Variants in SLC36A1 observed in about 807,000 individuals in gnomAD.
SLC36A1 encodes the protein proton-coupled amino acid transporter 1.
Under a neutral mutation model 47.5 loss-of-function variants are expected in SLC36A1, and 30 were observed. That is an observed-to-expected ratio of 0.63 (90% confidence interval 0.47 to 0.86). The LOEUF is 0.86. SLC36A1 is among the 40% of genes least tolerant of loss of function. SLC36A1 has a pLI of 0.00. For synonymous variants in SLC36A1, 255 were observed against 249.7 expected (o/e 1.02, Z -0.20); for missense variants, 517 against 606.0 (o/e 0.85, Z 1.54).
At chr5:151,507,385 G>T in the SLC36A1 span, 1 of 1,614,166 alleles carries the variant, frequency 6.2e-7, no homozygotes, top group Non-Finnish European at 8.5e-7. Context: ...GGCATGGCTT[G>T]GGTGTCAACA....
At chr5:151,522,040 C>A in the SLC36A1 span, 1 of 1,608,872 alleles carries the variant, frequency 6.2e-7, no homozygotes, top group Non-Finnish European at 8.5e-7. Context: ...GACATGGACA[C>A]GGACAGACGT....
chr5:151,499,138 A>C, the SLC36A1 span, among the ~76,000 whole-genome samples: 1 of 152,256 alleles, frequency 6.6e-6, no homozygotes, highest in Non-Finnish European at 1.5e-5. Flanking sequence ...GTATCAATCT[A>C]ACCAGGCACC....
At chr5:151,425,983 T>TATC in the SLC36A1 span, among the ~76,000 whole-genome samples, 1 of 152,008 alleles carries the variant, frequency 6.6e-6, no homozygotes, top group Non-Finnish European at 1.5e-5. Context: ...TCTATCTATC[T>TATC]ATCTATCTAT....
intron 2 of SLC36A1, 86 bp downstream of exon 2, chr5:151,459,021 A>T (rs1323267763): frequency 4.9e-6 from 7 of 1,423,490 alleles, no homozygotes; most frequent in Non-Finnish European, 6.6e-6. Flanking sequence ...CAATTTCATC[A>T]GTCCTCCACT....
At chr5:151,554,713 T>C in the SLC36A1 span, 1 of 1,479,474 alleles carries the variant, frequency 6.8e-7, no homozygotes, top group East Asian at 2.3e-5. Context: ...AGCTGACAAT[T>C]GCAAATTAGT....
chr5:151,363,232 A>G, the SLC36A1 span, among the ~76,000 whole-genome samples: 2 of 152,216 alleles, frequency 1.3e-5, no homozygotes, highest in Non-Finnish European at 2.9e-5. Context: ...CAGTGTGGGA[A>G]GGCTGGCTAG....
At chr5:151,467,320 AC>A (rs112687054) in intron 6 of SLC36A1, 37 bp downstream of exon 6, 40,818 of 967,020 alleles carry the variant, frequency 0.042, 1,293 homozygotes, top group African/African-American at 0.2. Context: ...AAAAAAAAAA[AC>A]CAGAGCGAGA....
At chr5:151,391,081 T>C in the SLC36A1 span, among the ~76,000 whole-genome samples, 75,263 of 151,742 alleles carry the variant, frequency 0.5, 20,657 homozygotes, top group African/African-American at 0.75. Context: ...TCTTTTATTT[T>C]GTTGAGCAGT....
chr5:151,507,597 G>T, the SLC36A1 span: 2 of 1,599,544 alleles, frequency 1.3e-6, no homozygotes, highest in Admixed American at 1.7e-5. Context: ...ACAACCCCTC[G>T]CCTCCATTTC....
At chr5:151,483,603 A>G (rs1759135774) in intron 10 of SLC36A1, among the ~76,000 whole-genome samples, 1 of 151,642 alleles carries the variant, frequency 6.6e-6, no homozygotes, top group African/African-American at 2.4e-5. Flanking sequence ...GTGTCTCTTC[A>G]TAGGCACTTT....
the SLC36A1 span, among the ~76,000 whole-genome samples, chr5:151,536,906 C>T: frequency 1.3e-5 from 2 of 152,196 alleles, no homozygotes; most frequent in Non-Finnish European, 2.9e-5. Flanking sequence ...TCTCTGGGCA[C>T]CAGTTTCTGG....
the SLC36A1 span, chr5:151,544,049 T>G: frequency 1.2e-6 from 2 of 1,614,058 alleles, no homozygotes; most frequent in East Asian, 4.5e-5. Flanking sequence ...GTTTCACCAG[T>G]GAGTGGGGGA....
chr5:151,511,130 G>A, the SLC36A1 span: 1 of 152,544 alleles, frequency 6.6e-6, no homozygotes, highest in Admixed American at 6.5e-5. Context: ...AGGGTGAGAG[G>A]TGATGGGGGC....
Position 151,488,265 on chromosome 5 carries a change from T to G in SLC36A1, c.*11T>G. On this transcript the variant is annotated 3_prime_UTR_variant, in exon 11 of 11. Transcript: ENST00000243389. ...TGTGCCTTCATATAGGGATCTGGGT[T>G]CGTCTCTGCAGCTGCCTACCCCTGC... The G allele has an allele frequency of 6.2e-7, 1 of 1,612,856 alleles. No homozygotes were observed. The highest frequency in any genetic ancestry group is 8.5e-7 in the Non-Finnish European group (1 of 1,179,164).
At chr5:151,505,903 G>A in the SLC36A1 span, 1 of 1,592,584 alleles carries the variant, frequency 6.3e-7, no homozygotes, top group Admixed American at 1.9e-5. Flanking sequence ...GGTGGGAGAG[G>A]TGCCCGCTTG....
chr5:151,545,932 C>G, the SLC36A1 span: 5 of 1,614,070 alleles, frequency 3.1e-6, no homozygotes, highest in Non-Finnish European at 4.2e-6. Context: ...CATATTGCTG[C>G]CTCGGATTTT....
At chr5:151,366,576 G>A in the SLC36A1 span, 1 of 223,990 alleles carries the variant, frequency 4.5e-6, no homozygotes, top group Non-Finnish European at 9.2e-6. Context: ...GGCACAGGAT[G>A]ATGAGGGGCA....
chr5:151,438,210 C>T (rs969217616), intron 1 of SLC36A1, among the ~76,000 whole-genome samples: 3 of 152,250 alleles, frequency 2.0e-5, no homozygotes, highest in Non-Finnish European at 4.4e-5. Context: ...GACAATTTCA[C>T]TGTGTGCCCG....
At chr5:151,534,352 T>C in the SLC36A1 span, 2 of 1,423,868 alleles carry the variant, frequency 1.4e-6, no homozygotes, top group East Asian at 4.9e-5. Context: ...GACCAAACCC[T>C]TGCCCAAGGT....
Sources: allele counts gnomAD v4.1 joint callset (sites outside exome capture counted in the v4.1 genomes callset), GRCh38; gene constraint gnomAD v4.1.1; transcripts MANE v1.5; gene names NCBI Gene and HGNC (gene_info 2026-07-23, HGNC 2026-07-21).